The following LRRC1 variants were observed in gnomAD, a reference collection of about 807,000 sequenced individuals.
The protein encoded by LRRC1 is leucine-rich repeat-containing protein 1.
A neutral mutation model predicts 69.9 loss-of-function variants in LRRC1; 28 were observed. That is an observed-to-expected ratio of 0.40 (90% CI 0.30 to 0.55). The LOEUF is 0.55. Ranked by LOEUF, LRRC1 falls within the 20% of genes least tolerant of loss-of-function variation. The probability of loss-of-function intolerance (pLI) is 0.47; values close to 1 mark genes in which losing one functional copy is unlikely to be tolerated. For synonymous variants in LRRC1, 236 were observed against 240.2 expected (o/e 0.98, Z 0.16); for missense variants, 498 against 609.0 (o/e 0.82, Z 1.92).
rs571490377 is a variant in LRRC1, at chr6:53,917,291, G to A, written c.1107-2207G>A. ...CCTTTTTTTCTCTTGGACACCACTG[G>A]CAACACTTCTGTCCGCAAGACAGTG... On this transcript the variant is annotated intron_variant, in intron 11 of 13. Coordinates refer to ENST00000370888, the MANE Select transcript of LRRC1 (RefSeq NM_018214.5). Among the ~76,000 whole-genome samples, 17 of 152,258 alleles carry A rather than the reference G, an allele frequency of 1.1e-4. No homozygotes were observed. The East Asian group carries it at 2.9e-3, about 26-fold the overall frequency.
intron 4 of LRRC1, among the ~76,000 whole-genome samples, chr6:53,886,542 T>G (rs1418273687): frequency 6.6e-6 from 1 of 152,246 alleles, no homozygotes; most frequent in African/African-American, 2.4e-5. Context: ...GTAGGCTCGC[T>G]GATTATTTTT....
chr6:53,884,776 A>C (rs1460109019), intron 4 of LRRC1, among the ~76,000 whole-genome samples: 1 of 152,060 alleles, frequency 6.6e-6, no homozygotes, highest in Non-Finnish European at 1.5e-5. Flanking sequence ...TGTCCCTCTC[A>C]CCCTCTACTG....
chr6:53,801,060 G>T (rs1236446135), intron 1 of LRRC1, among the ~76,000 whole-genome samples: 1 of 152,208 alleles, frequency 6.6e-6, no homozygotes, highest in African/African-American at 2.4e-5. Context: ...TCTAGCTAGT[G>T]GGGGAGGAAC....
At chr6:53,811,004 A>T (rs1764777391) in intron 1 of LRRC1, among the ~76,000 whole-genome samples, 1 of 152,218 alleles carries the variant, frequency 6.6e-6, no homozygotes, top group Non-Finnish European at 1.5e-5. Context: ...ACTTATCATC[A>T]GGGACTTACT....
At chr6:53,910,852 A>G (rs1471369171) in intron 10 of LRRC1, among the ~76,000 whole-genome samples, 1 of 152,220 alleles carries the variant, frequency 6.6e-6, no homozygotes, top group East Asian at 1.9e-4. Context: ...ATAATGAACT[A>G]TATCTTTTCA....
At chr6:53,827,763 T>C (rs1432121086) in intron 1 of LRRC1, among the ~76,000 whole-genome samples, 1 of 152,216 alleles carries the variant, frequency 6.6e-6, no homozygotes, top group East Asian at 1.9e-4. Flanking sequence ...GTGGCTCTGA[T>C]ACCTTCCATG....
At chr6:53,821,600 T>TA (rs1765117181) in intron 1 of LRRC1, among the ~76,000 whole-genome samples, 1 of 152,194 alleles carries the variant, frequency 6.6e-6, no homozygotes, top group Non-Finnish European at 1.5e-5. Context: ...TCTCTGTTTT[T>TA]ATCCTCATTT....
intron 1 of LRRC1, among the ~76,000 whole-genome samples, chr6:53,836,549 A>G (rs759280019): frequency 6.6e-6 from 1 of 152,158 alleles, no homozygotes; most frequent in Non-Finnish European, 1.5e-5. Flanking sequence ...GCTCTTTAAT[A>G]TTATTAACTT....
chr6:53,804,952 A>C (rs936519370), intron 1 of LRRC1, among the ~76,000 whole-genome samples: 2 of 152,226 alleles, frequency 1.3e-5, no homozygotes, highest in Non-Finnish European at 2.9e-5. Context: ...CATGGGCTAC[A>C]CATTCCCGAT....
At chr6:53,801,809 T>C (rs1234498995) in intron 1 of LRRC1, among the ~76,000 whole-genome samples, 1 of 152,198 alleles carries the variant, frequency 6.6e-6, no homozygotes, top group Non-Finnish European at 1.5e-5. Context: ...ATTAAACATT[T>C]AGTGAGTTTC....
intron 2 of LRRC1, among the ~76,000 whole-genome samples, chr6:53,846,636 A>C (rs539089938): frequency 1.3e-5 from 2 of 152,366 alleles, no homozygotes; most frequent in East Asian, 1.9e-4. Flanking sequence ...AGAAAAAAAA[A>C]CTAGGTGTTT....
At chr6:53,854,744 TTTTA>T (rs1406557253) in intron 2 of LRRC1, among the ~76,000 whole-genome samples, 1 of 152,234 alleles carries the variant, frequency 6.6e-6, no homozygotes, top group Non-Finnish European at 1.5e-5. Context: ...TTTTTGTACA[TTTTA>T]TTTATCTTTT....
At chr6:53,905,265 C>T (rs1190477918) in intron 10 of LRRC1, 2 of 144,782 alleles carry the variant, frequency 1.4e-5, no homozygotes, top group Admixed American at 1.4e-4. Flanking sequence ...ACCCGGGAGG[C>T]TAAGGTTGCA....
chr6:53,841,155 T>TTACC (rs1765775882), intron 1 of LRRC1, among the ~76,000 whole-genome samples: 1 of 152,200 alleles, frequency 6.6e-6, no homozygotes, highest in Non-Finnish European at 1.5e-5. Context: ...CATGGTTATG[T>TTACC]TACCCCCTGC....
intron 2 of LRRC1, among the ~76,000 whole-genome samples, chr6:53,858,441 C>T (rs1026923296): frequency 6.6e-6 from 1 of 152,074 alleles, no homozygotes; most frequent in Non-Finnish European, 1.5e-5. Flanking sequence ...ACCCTCTCCC[C>T]CTCTGTGTTA....
chr6:53,825,842 T>G (rs1302266358), intron 1 of LRRC1, among the ~76,000 whole-genome samples: 1 of 152,134 alleles, frequency 6.6e-6, no homozygotes, highest in Non-Finnish European at 1.5e-5. Context: ...TATATCCTTT[T>G]GATTGTTCTT....
In LRRC1 at chr6:53,853,282, A is replaced by ATT. The variant is rs59868633; in HGVS notation, c.277+11074_277+11075dup. Among the ~76,000 whole-genome samples the ATT allele has an allele frequency of 1.4e-3, 181 of 130,244 alleles. 1 individual carries two copies. The highest frequency in any genetic ancestry group is 4.8e-3 in the African/African-American group (164 of 34,352). 85.4% of individuals were successfully genotyped at this position (130,244 alleles called of 152,430 possible). On this transcript the variant is annotated intron_variant, in intron 2 of 13. Transcript: ENST00000370888. Reference sequence around the variant, plus strand: ...ATTACATAAATAACAGGTGGTTCATATTTTTTTTTTTTTTTTTTTTGAGAC... The same window carrying ATT: ...ATTACATAAATAACAGGTGGTTCATATTTTTTTTTTTTTTTTTTTTTTGAGAC...
At chr6:53,795,461 T>A in intron 1 of LRRC1, 46 bp downstream of exon 1, 1 of 1,555,272 alleles carries the variant, frequency 6.4e-7, no homozygotes. Context: ...TCGTCTGCTG[T>A]CCCTTCCGCT....
At chr6:53,861,708 G>A (rs1379530450) in intron 2 of LRRC1, among the ~76,000 whole-genome samples, 2 of 152,090 alleles carry the variant, frequency 1.3e-5, no homozygotes, top group Non-Finnish European at 2.9e-5. Flanking sequence ...GGAAAAGTGT[G>A]TTCACTCCTG....
Sources: gnomAD v4.1 joint callset for allele counts (sites outside exome capture counted in the v4.1 genomes callset) on GRCh38, gnomAD v4.1.1 for gene constraint, MANE v1.5 for transcripts, NCBI Gene and HGNC (gene_info 2026-07-23, HGNC 2026-07-21) for gene names.